Variants in LRRC1 observed in about 807,000 individuals in gnomAD.
LRRC1 encodes leucine-rich repeat-containing protein 1.
Under a neutral mutation model 69.9 loss-of-function variants are expected in LRRC1, and 28 were observed. The observed-to-expected ratio is 0.40, with a 90% CI of 0.30 to 0.55. The LOEUF is 0.55. Ranked by LOEUF, LRRC1 falls within the 20% of genes least tolerant of loss-of-function variation. The probability of loss-of-function intolerance (pLI) is 0.47; values close to 1 mark genes in which losing one functional copy is unlikely to be tolerated. For missense variants in LRRC1, 498 were observed against 609.0 expected (o/e 0.82, Z 1.92); for synonymous variants, 236 against 240.2 (o/e 0.98, Z 0.16).
At chr6:53,828,551 G>T (rs1765338201) in intron 1 of LRRC1, among the ~76,000 whole-genome samples, 1 of 152,256 alleles carries the variant, frequency 6.6e-6, no homozygotes, top group Non-Finnish European at 1.5e-5. Context: ...TTTGCAGTAA[G>T]ATGCTGAGCC....
chr6:53,917,449 T>G (rs1768602879), intron 11 of LRRC1, among the ~76,000 whole-genome samples: 1 of 152,224 alleles, frequency 6.6e-6, no homozygotes, highest in Non-Finnish European at 1.5e-5. Context: ...GATTTGTTGT[T>G]GTAGAGTCTA....
intron 1 of LRRC1, among the ~76,000 whole-genome samples, chr6:53,817,818 C>G (rs532609224): frequency 2.0e-5 from 3 of 151,882 alleles, no homozygotes; most frequent in Non-Finnish European, 4.4e-5. Flanking sequence ...TTTTTGTATC[C>G]CTAGAATCTA....
intron 5 of LRRC1, 52 bp from the exon 6 acceptor site, chr6:53,896,777 C>T (rs1767888137): frequency 5.8e-6 from 7 of 1,199,092 alleles, no homozygotes; most frequent in Non-Finnish European, 8.6e-6. Context: ...TACTATATTG[C>T]TCAGCATTTC....
chr6:53,861,829 C>G (rs929503044), intron 2 of LRRC1, among the ~76,000 whole-genome samples: 1 of 151,922 alleles, frequency 6.6e-6, no homozygotes, highest in Non-Finnish European at 1.5e-5. Context: ...CACTATAGTT[C>G]GGGCGTGTGA....
At chr6:53,910,821 C>T (rs1204021596) in intron 10 of LRRC1, among the ~76,000 whole-genome samples, 1 of 152,208 alleles carries the variant, frequency 6.6e-6, no homozygotes, top group Non-Finnish European at 1.5e-5. Context: ...CTCCATCATA[C>T]CGCATCTCCC....
rs528104547 is a variant in LRRC1, at chr6:53,892,713, A to AT, written c.447-3783dup. On this transcript the variant is annotated intron_variant, in intron 4 of 13. Coordinates refer to ENST00000370888, the MANE Select transcript of LRRC1 (RefSeq NM_018214.5). ...CTGTTCCAATTCTGCATTTAGGCTG[A>AT]TTCTGTTTTATGTCAGCTCTGTTAC... Among the ~76,000 whole-genome samples, 76 of 152,294 alleles carry AT rather than the reference A, an allele frequency of 5.0e-4. 2 individuals carry two copies. Among genetic ancestry groups the AT allele is most frequent in the African/African-American group, 1.7e-3 (71 of 41,564 alleles).
At chr6:53,883,102 T>C (rs1377407844) in intron 4 of LRRC1, 126 bp downstream of exon 4, 1 of 619,732 alleles carries the variant, frequency 1.6e-6, no homozygotes, top group East Asian at 3.2e-5. Context: ...TTCTTTAATG[T>C]GACCTTCAAG....
intron 10 of LRRC1, 23 bp from the exon 11 acceptor site, chr6:53,913,831 A>C: frequency 3.9e-6 from 6 of 1,530,618 alleles, no homozygotes; most frequent in Non-Finnish European, 5.4e-6. Context: ...TGGAAAAAAG[A>C]TGTATTTTCT....
At chr6:53,898,171 G>A (rs1006306824) in intron 7 of LRRC1, among the ~76,000 whole-genome samples, 1 of 152,180 alleles carries the variant, frequency 6.6e-6, no homozygotes, top group African/African-American at 2.4e-5. Context: ...TAAATTTTTA[G>A]TTGTTATAGC....
chr6:53,896,471 C>T (rs370738158), intron 4 of LRRC1, 27 bp from the exon 5 acceptor site: 307 of 1,594,958 alleles, frequency 1.9e-4, no homozygotes, highest in Non-Finnish European at 2.4e-4. Context: ...TTCTCTTATG[C>T]TTTTTTTTCC....
chr6:53,897,407 A>G, intron 7 of LRRC1, 48 bp downstream of exon 7: 1 of 1,325,452 alleles, frequency 7.5e-7, no homozygotes, highest in Non-Finnish European at 1.1e-6. Context: ...AACAGCAACA[A>G]TAAGCTTTGT....
At chr6:53,869,912 A>C (rs1766827355) in intron 2 of LRRC1, among the ~76,000 whole-genome samples, 1 of 152,232 alleles carries the variant, frequency 6.6e-6, no homozygotes, top group Non-Finnish European at 1.5e-5. Flanking sequence ...ACCAGCAATC[A>C]AGACTCTTTA....
At position 53,920,606 on chromosome 6, in the gene LRRC1, G is replaced by C. The variant is rs768358206; in HGVS notation, c.1280-19G>C. ...ACATGAAACGCAATTCCCTGCTTAT[G>C]TGGTCTTTGTCACTGCAGAGAATCT... On this transcript the variant is annotated intron_variant, in intron 12 of 13. Transcript: ENST00000370888. The C allele has an allele frequency of 1.2e-6, 2 of 1,614,070 alleles. No individual in the cohort carries two copies. The highest frequency in any genetic ancestry group is 1.1e-5 in the South Asian group (1 of 91,080).
At chr6:53,817,894 A>G (rs1324233854) in intron 1 of LRRC1, among the ~76,000 whole-genome samples, 1 of 152,236 alleles carries the variant, frequency 6.6e-6, no homozygotes, top group African/African-American at 2.4e-5. Context: ...TTTTAAGTTC[A>G]TATCATTTAA....
intron 8 of LRRC1, among the ~76,000 whole-genome samples, chr6:53,900,729 T>G (rs1426207910): frequency 1.3e-5 from 2 of 152,194 alleles, no homozygotes; most frequent in Non-Finnish European, 2.9e-5. Flanking sequence ...CTAGACATTT[T>G]CTTTACTATG....
chr6:53,823,965 T>C lies in LRRC1; in HGVS notation c.160-18145T>C, dbSNP rs139124313. 1.2e-4 allele frequency among the ~76,000 whole-genome samples: 18 copies of C among 152,336 alleles called. 1 individual carries two copies. The highest frequency in any genetic ancestry group is 4.3e-4 in the African/African-American group (18 of 41,586). On this transcript the variant is annotated intron_variant, in intron 1 of 13. Transcript: ENST00000370888. ...TGACATGGACATACATTTGCATGTG[T>C]CTTTATGATAGAACAATTTATATTC...
At chr6:53,829,220 C>T (rs1024116264) in intron 1 of LRRC1, among the ~76,000 whole-genome samples, 3 of 152,048 alleles carry the variant, frequency 2.0e-5, no homozygotes, top group African/African-American at 7.2e-5. Context: ...TAATCTGGAC[C>T]CAGGCAGGTA....
At chr6:53,899,123 G>A (rs1472865949) in intron 7 of LRRC1, among the ~76,000 whole-genome samples, 2 of 152,204 alleles carry the variant, frequency 1.3e-5, no homozygotes, top group African/African-American at 2.4e-5. Context: ...TGCACTTTGG[G>A]AATAGAAGAA....
chr6:53,821,171 C>T (rs955983725), intron 1 of LRRC1, among the ~76,000 whole-genome samples: 3 of 152,180 alleles, frequency 2.0e-5, no homozygotes, highest in Non-Finnish European at 2.9e-5. Context: ...AAAGCATTTG[C>T]GCTAATGCTG....
Sources: gnomAD v4.1 joint callset for allele counts (sites outside exome capture counted in the v4.1 genomes callset) on GRCh38, gnomAD v4.1.1 for gene constraint, MANE v1.5 for transcripts, NCBI Gene and HGNC (gene_info 2026-07-23, HGNC 2026-07-21) for gene names.